The following FNBP1L variants were observed in gnomAD, a reference collection of about 807,000 sequenced individuals.
The protein encoded by FNBP1L is formin-binding protein 1-like.
Under a neutral mutation model 91.2 loss-of-function variants are expected in FNBP1L, and 36 were observed. The ratio of observed to expected loss-of-function variants is 0.39; its 90% CI spans 0.30 to 0.52. The LOEUF is 0.52. FNBP1L is among the 20% of genes least tolerant of loss of function. FNBP1L has a pLI of 0.66. For missense variants in FNBP1L, 571 were observed against 732.1 expected (o/e 0.78, Z 2.54); for synonymous variants, 242 against 237.0 (o/e 1.02, Z -0.19).
intron 2 of FNBP1L, among the ~76,000 whole-genome samples, chr1:93,513,354 G>T (rs998796568): frequency 2.0e-5 from 3 of 151,884 alleles, no homozygotes; most frequent in East Asian, 3.9e-4. Flanking sequence ...GGAGGAACTG[G>T]TCCCATTCCT....
At position 93,546,962 on chromosome 1, in the gene FNBP1L, C is replaced by T; in HGVS notation, c.1395C>T (p.Ile465=). The T allele has an allele frequency of 6.2e-7, 1 of 1,611,470 alleles. No individual in the cohort carries two copies. The highest frequency in any genetic ancestry group is 8.5e-7 in the Non-Finnish European group (1 of 1,178,936). ...ACATTGACCGCCTACGAATGGAAAT[C>T]CATAAGAATGAGGTAGATTTGTTAT... ...MNNIDRLRME[I]HKNEAWLSEV... The change falls in exon 13 of 17, where the codon ATC becomes ATT. Residue 465 remains isoleucine (I), a synonymous_variant. Coordinates refer to ENST00000271234, the MANE Select transcript of FNBP1L (RefSeq NM_001164473.3).
chr1:93,493,010 A>G (rs975485448), intron 1 of FNBP1L, among the ~76,000 whole-genome samples: 23 of 152,216 alleles, frequency 1.5e-4, no homozygotes, highest in African/African-American at 5.1e-4. Flanking sequence ...AGGTTATTTG[A>G]AATGGCACTT....
At chr1:93,522,203 G>A in intron 3 of FNBP1L, 68 bp downstream of exon 3, 2 of 733,298 alleles carry the variant, frequency 2.7e-6, no homozygotes, top group African/African-American at 3.7e-5. Flanking sequence ...TTATTATTTA[G>A]TAAGATATAT....
At chr1:93,523,568 G>GT (rs1198837339) in intron 4 of FNBP1L, 77 bp downstream of exon 4, 5 of 1,358,680 alleles carry the variant, frequency 3.7e-6, no homozygotes, top group Non-Finnish European at 5.0e-6. Flanking sequence ...TCTTTAAAAT[G>GT]TGTGTTCAGC....
At chr1:93,517,663 G>T (rs1014067207) in intron 2 of FNBP1L, among the ~76,000 whole-genome samples, 3 of 152,242 alleles carry the variant, frequency 2.0e-5, no homozygotes, top group African/African-American at 7.2e-5. Flanking sequence ...AAAATAGGTA[G>T]TGGGACATAG....
rs765298095 is a variant in FNBP1L, at chr1:93,499,481, G to A, written c.38G>A (p.Ser13Asn). The A allele has an allele frequency of 6.3e-7, 1 of 1,593,172 alleles. No homozygotes were observed. The highest frequency in any genetic ancestry group is 1.2e-5 in the South Asian group (1 of 86,398). The change falls in exon 2 of 17, where the codon AGC (serine) becomes AAC (asparagine). Residue 13 changes from serine to asparagine, a missense_variant. By Grantham distance (46) the Ser-to-Asn change is conservative. This residue lies in a region of FNBP1L where 220 missense variants were observed against 313.6 expected (regional missense o/e 0.70). Transcript: ENST00000271234. ...WGTELWDQFD[S>N]LDKHTQWGID... Reference sequence around the variant, plus strand: ...TTCCTTTTCCAGGATCAGTTCGACAGCTTAGACAAGCATACACAATGGGGA... The same window carrying A: ...TTCCTTTTCCAGGATCAGTTCGACAACTTAGACAAGCATACACAATGGGGA...
At chr1:93,470,375 G>C (rs1206937399) in intron 1 of FNBP1L, among the ~76,000 whole-genome samples, 1 of 152,138 alleles carries the variant, frequency 6.6e-6, no homozygotes, top group African/African-American at 2.4e-5. Flanking sequence ...CAGTCATTCT[G>C]CCTTGGCCTC....
chr1:93,458,586 C>T (rs938208601), intron 1 of FNBP1L, among the ~76,000 whole-genome samples: 1 of 152,044 alleles, frequency 6.6e-6, no homozygotes, highest in African/African-American at 2.4e-5. Context: ...GTTATGACTC[C>T]AAAAACACAG....
chr1:93,479,476 G>T (rs578124020), intron 1 of FNBP1L, among the ~76,000 whole-genome samples: 3 of 152,260 alleles, frequency 2.0e-5, no homozygotes, highest in East Asian at 3.9e-4. Context: ...CCAGGGTGGG[G>T]TTTTTCCCCA....
chr1:93,550,380 G>A (rs993556864), intron 15 of FNBP1L, among the ~76,000 whole-genome samples: 15 of 152,110 alleles, frequency 9.9e-5, no homozygotes, highest in African/African-American at 2.7e-4. Context: ...AATTTGGCAC[G>A]TGTTAAATGA....
chr1:93,467,714 G>C (rs1669138927), intron 1 of FNBP1L, among the ~76,000 whole-genome samples: 1 of 152,096 alleles, frequency 6.6e-6, no homozygotes, highest in Non-Finnish European at 1.5e-5. Flanking sequence ...GTTTGAGGCT[G>C]TAGTGTGCCA....
chr1:93,492,393 A>G (rs1398719288), intron 1 of FNBP1L, among the ~76,000 whole-genome samples: 1 of 152,228 alleles, frequency 6.6e-6, no homozygotes, highest in African/African-American at 2.4e-5. Context: ...TGGGTCTTCA[A>G]AGAAGAGCAC....
chr1:93,457,107 C>T (rs1376091591), intron 1 of FNBP1L, among the ~76,000 whole-genome samples: 4 of 152,148 alleles, frequency 2.6e-5, no homozygotes, highest in African/African-American at 4.8e-5. Flanking sequence ...AGGCTGGGAT[C>T]TTCTGGGCTC....
rs142451317 is a variant in FNBP1L, at chr1:93,504,191, A to T, written c.140+4608A>T. Among the ~76,000 whole-genome samples, 1,217 of 152,310 alleles carry T rather than the reference A, an allele frequency of 8.0e-3. 14 individuals are homozygous for T. The highest frequency in any genetic ancestry group is 0.012 in the Non-Finnish European group (805 of 68,024). ...AATCTGTGTTTCAGTTTAGTTTAGA[A>T]ATTAGGATTTCTGACCACATGCTGA... is the stretch of plus-strand genomic sequence containing the variant. On this transcript the variant is annotated intron_variant, in intron 2 of 16. Coordinates refer to ENST00000271234, the MANE Select transcript of FNBP1L (RefSeq NM_001164473.3).
chr1:93,539,155 A>G (rs1570865488), intron 10 of FNBP1L, among the ~76,000 whole-genome samples: 1 of 152,166 alleles, frequency 6.6e-6, no homozygotes, highest in East Asian at 1.9e-4. Flanking sequence ...CTCTCTGAAT[A>G]TTTATGACTT....
chr1:93,545,737 A>T (rs972442193), intron 12 of FNBP1L, among the ~76,000 whole-genome samples: 16 of 152,074 alleles, frequency 1.1e-4, no homozygotes, highest in African/African-American at 3.9e-4. Context: ...GCCTAAATTA[A>T]GGCATGACCA....
chr1:93,502,391 T>G (rs1570809591), intron 2 of FNBP1L, among the ~76,000 whole-genome samples: 1 of 152,254 alleles, frequency 6.6e-6, no homozygotes, highest in East Asian at 1.9e-4. Context: ...AAATAAAAAT[T>G]GATAATTTAT....
In FNBP1L at chr1:93,549,282, G is replaced by T. The variant is rs1405376992; in HGVS notation, c.1507G>T (p.Glu503Ter). Reference sequence around the variant, plus strand: ...AGATAATTTTTTGTTTTATAGTCCTGAGGGAAGTTACACTGATGATGCAAA... The same window carrying T: ...AGATAATTTTTTGTTTTATAGTCCTTAGGGAAGTTACACTGATGATGCAAA... The part of the protein sequence containing the change: ...HLVTQGRESP[E>*]GSYTDDANQE... The change falls in exon 15 of 17, where the codon GAG becomes TAG. Residue 503 changes from glutamate to a stop codon, truncating the protein, a stop_gained. Coordinates refer to ENST00000271234, the MANE Select transcript of FNBP1L (RefSeq NM_001164473.3). LOFTEE classifies it high-confidence loss of function. 1 of 1,607,378 alleles carries T rather than the reference G, an allele frequency of 6.2e-7. No homozygotes were observed. Among genetic ancestry groups the T allele is most frequent in the Non-Finnish European group, 8.5e-7 (1 of 1,177,724 alleles).
At chr1:93,451,275 A>G (rs115650412) in intron 1 of FNBP1L, among the ~76,000 whole-genome samples, 240 of 152,318 alleles carry the variant, frequency 1.6e-3, no homozygotes, top group Non-Finnish European at 2.6e-3. Context: ...GCTTTTTTTT[A>G]ACAGATAGGG....
Sources: gnomAD v4.1 joint callset for allele counts (sites outside exome capture counted in the v4.1 genomes callset) on GRCh38, gnomAD v4.1.1 for gene constraint, gnomAD v4.1.1 regional missense constraint, MANE v1.5 for transcripts, NCBI Gene and HGNC (gene_info 2026-07-23, HGNC 2026-07-21) for gene names.